Variants in LVRN observed in about 807,000 individuals in gnomAD.
The protein encoded by LVRN is laeverin.
In LVRN, 99 loss-of-function variants were observed where a neutral mutation model predicts 111.4. The observed-to-expected ratio is 0.89, with a 90% CI of 0.76 to 1.05. The LOEUF (loss-of-function observed/expected upper bound fraction) is 1.05, where lower values mean the gene tolerates loss of function less well. Among genes scored for constraint, LVRN ranks in the 50% least tolerant of loss-of-function variants. The pLI, the probability that LVRN is intolerant of heterozygous loss-of-function variation, is 0.00. For missense variants in LVRN, 1,414 were observed against 1,206.8 expected (o/e 1.17, Z -2.54); for synonymous variants, 488 against 449.5 (o/e 1.09, Z -1.08).
intron 6 of LVRN, among the ~76,000 whole-genome samples, chr5:115,994,454 G>GTA (rs1299182561): frequency 1.3e-5 from 2 of 152,034 alleles, no homozygotes; most frequent in Non-Finnish European, 2.9e-5. Context: ...TGTATTGTTT[G>GTA]TAGAGACGGG....
chr5:115,975,176 TA>T (rs2112560090), intron 1 of LVRN: 1 of 471,386 alleles, frequency 2.1e-6, no homozygotes, highest in Non-Finnish European at 4.2e-6. Context: ...TGCCTGGTCA[TA>T]ATATTCTGCC....
intron 1 of LVRN, chr5:115,976,018 G>A (rs56362164): frequency 0.06 from 9,430 of 156,602 alleles, 331 homozygotes; most frequent in Middle Eastern, 0.1. Flanking sequence ...TTGTGCTTTG[G>A]CTATCCTTTA....
chr5:115,989,469 T>C (rs1425639585), intron 4 of LVRN, among the ~76,000 whole-genome samples: 1 of 152,196 alleles, frequency 6.6e-6, no homozygotes, highest in East Asian at 1.9e-4. Flanking sequence ...ACTTCTTTTC[T>C]CACACTTCCA....
In LVRN at chr5:116,000,518, G is replaced by A. The variant is rs2162754; in HGVS notation, c.1581+20G>A. On this transcript the variant is annotated intron_variant, in intron 8 of 19. Coordinates refer to ENST00000357872, the MANE Select transcript of LVRN (RefSeq NM_173800.5). ...CTCAAGGTGAGTTTGCAAAATAGTC[G>A]TTACCTGGATGGCAGTAAACATAAA... 133,388 of 1,613,466 alleles carry A rather than the reference G, an allele frequency of 0.083. 7,222 individuals are homozygous for A. Among genetic ancestry groups the A allele is most frequent in the African/African-American group, 0.24 (17,786 of 74,952 alleles).
intron 3 of LVRN, 120 bp downstream of exon 3, chr5:115,984,829 C>T (rs778524727): frequency 1.5e-6 from 2 of 1,364,956 alleles, no homozygotes; most frequent in Non-Finnish European, 2.0e-6. Context: ...GTTCTCTCTC[C>T]CAAGCCCTGT....
At chr5:116,003,493 C>T in intron 12 of LVRN, 113 bp downstream of exon 12, 1 of 621,786 alleles carries the variant, frequency 1.6e-6, no homozygotes, top group South Asian at 4.7e-5. Flanking sequence ...CCGCCCCTCA[C>T]CTCCAGGCAT....
At chr5:115,966,753 T>C (rs1753211423) in intron 1 of LVRN, among the ~76,000 whole-genome samples, 1 of 152,258 alleles carries the variant, frequency 6.6e-6, no homozygotes, top group Non-Finnish European at 1.5e-5. Context: ...CTATACCATT[T>C]TATACTCCTA....
chr5:115,970,848 G>A (rs558885726), intron 1 of LVRN, among the ~76,000 whole-genome samples: 8 of 152,312 alleles, frequency 5.3e-5, no homozygotes, highest in African/African-American at 1.9e-4. Context: ...TCATATACAA[G>A]TCTTTTTATC....
intron 1 of LVRN, among the ~76,000 whole-genome samples, chr5:115,969,192 T>G (rs7729821): frequency 0.064 from 9,713 of 152,284 alleles, 888 homozygotes; most frequent in African/African-American, 0.2. Context: ...TATCCTGTTT[T>G]GGGATTCACT....
At chr5:116,013,797 T>C (rs1394730273) in intron 15 of LVRN, among the ~76,000 whole-genome samples, 2 of 152,202 alleles carry the variant, frequency 1.3e-5, no homozygotes, top group Non-Finnish European at 2.9e-5. Context: ...GGATTTATTA[T>C]TGGTCTTCAC....
intron 4 of LVRN, among the ~76,000 whole-genome samples, chr5:115,989,510 C>G (rs1747938842): frequency 6.6e-6 from 1 of 152,212 alleles, no homozygotes; most frequent in African/African-American, 2.4e-5. Context: ...CATCTGAACT[C>G]TTGACCAATT....
intron 1 of LVRN, among the ~76,000 whole-genome samples, chr5:115,981,778 C>T (rs1383587978): frequency 6.6e-6 from 1 of 152,142 alleles, no homozygotes; most frequent in East Asian, 1.9e-4. Flanking sequence ...TCCAAGCATC[C>T]ATTCCATCCT....
intron 1 of LVRN, among the ~76,000 whole-genome samples, chr5:115,971,577 A>G (rs1753328315): frequency 6.6e-6 from 1 of 152,094 alleles, no homozygotes; most frequent in African/African-American, 2.4e-5. Context: ...AGTCTATGCT[A>G]TCTGTACTGA....
Position 116,002,997 on chromosome 5 carries a change from A to G in LVRN, c.1897+86A>G. ...ATATTGAAAAGTCTAGCTTTTGAAA[A>G]GCCATTTCATTTCAAACTAAAATAT... On this transcript the variant is annotated intron_variant, in intron 11 of 19. Coordinates refer to ENST00000357872, the MANE Select transcript of LVRN (RefSeq NM_173800.5). 2.5e-6 allele frequency: 3 copies of G among 1,180,804 alleles called. No individual in the cohort carries two copies. In the South Asian group the frequency reaches 4.5e-5, roughly 18 times the overall value. 73.1% of individuals were successfully genotyped at this position (1,180,804 alleles called of 1,614,324 possible). A position where few individuals can be genotyped will look rare whatever the true frequency, so the allele number is the denominator to read the frequency against.
intron 1 of LVRN, among the ~76,000 whole-genome samples, chr5:115,973,345 G>T (rs1250665494): frequency 6.6e-6 from 1 of 152,178 alleles, no homozygotes; most frequent in Admixed American, 6.5e-5. Flanking sequence ...GTTCATGAGA[G>T]TTATGGACTT....
chr5:116,018,244 T>G (rs893126274), intron 18 of LVRN, among the ~76,000 whole-genome samples: 1 of 152,206 alleles, frequency 6.6e-6, no homozygotes, highest in Admixed American at 6.5e-5. Flanking sequence ...GAACTTGAAT[T>G]AAACCCGTAT....
chr5:116,002,767 A>T, intron 10 of LVRN, 68 bp from the exon 11 acceptor site: 1 of 1,160,858 alleles, frequency 8.6e-7, no homozygotes, highest in African/African-American at 1.6e-5. Flanking sequence ...TCATCTCTTT[A>T]ATAGTGGCTC....
At chr5:116,008,675 A>C (rs1041349733) in intron 13 of LVRN, among the ~76,000 whole-genome samples, 7 of 152,342 alleles carry the variant, frequency 4.6e-5, no homozygotes, top group African/African-American at 1.7e-4. Flanking sequence ...TAAAAGATCA[A>C]ACCAGCCACA....
chr5:116,016,052 G>A (rs1052672018), intron 18 of LVRN, among the ~76,000 whole-genome samples: 13 of 152,116 alleles, frequency 8.5e-5, no homozygotes, highest in African/African-American at 3.1e-4. Context: ...TGGTGAATTT[G>A]CCTTAGTTCA....
Sources: allele counts gnomAD v4.1 joint callset (sites outside exome capture counted in the v4.1 genomes callset), GRCh38; gene constraint gnomAD v4.1.1; transcripts MANE v1.5; gene names NCBI Gene and HGNC (gene_info 2026-07-23, HGNC 2026-07-21).